The following ANKRD12 variants were observed in gnomAD, a reference collection of about 807,000 sequenced individuals.
The protein encoded by ANKRD12 is ankyrin repeat domain 12.
A neutral mutation model predicts 183.4 loss-of-function variants in ANKRD12; 85 were observed. The ratio of observed to expected loss-of-function variants is 0.46; its 90% CI spans 0.39 to 0.56. The LOEUF is 0.56. Ranked by LOEUF, ANKRD12 falls within the 20% of genes least tolerant of loss-of-function variation. The pLI is 0.00. For synonymous variants in ANKRD12, 914 were observed against 800.2 expected (o/e 1.14, Z -2.40); for missense variants, 2,405 against 2,357.1 (o/e 1.02, Z -0.42).
At chr18:9,235,619 T>G in intron 8 of ANKRD12, 1 of 456,256 alleles carries the variant, frequency 2.2e-6, no homozygotes, top group Middle Eastern at 3.3e-4. Flanking sequence ...GGATCAAACC[T>G]TAGTCTCTTC....
intron 1 of ANKRD12, among the ~76,000 whole-genome samples, chr18:9,165,345 G>C (rs1446593870): frequency 6.6e-6 from 1 of 152,018 alleles, no homozygotes; most frequent in Non-Finnish European, 1.5e-5. Context: ...TTTTATTGTG[G>C]TAAAATATAC....
At chr18:9,253,098 T>C (rs2038396701) in intron 8 of ANKRD12, among the ~76,000 whole-genome samples, 1 of 152,196 alleles carries the variant, frequency 6.6e-6, no homozygotes, top group South Asian at 2.1e-4. Context: ...TACATAATAG[T>C]TGTACATAAT....
At chr18:9,138,767 A>AAATT (rs968988245) in intron 1 of ANKRD12, among the ~76,000 whole-genome samples, 9 of 152,232 alleles carry the variant, frequency 5.9e-5, no homozygotes, top group African/African-American at 2.2e-4. Flanking sequence ...ATTTGGGTTA[A>AAATT]AAGCAGGAGC....
intron 1 of ANKRD12, among the ~76,000 whole-genome samples, chr18:9,145,959 A>G (rs1367189415): frequency 6.6e-6 from 1 of 152,192 alleles, no homozygotes; most frequent in African/African-American, 2.4e-5. Context: ...ATAATTAGGA[A>G]GAGGTTCTGT....
At chr18:9,244,096 T>C (rs1259532209) in intron 8 of ANKRD12, among the ~76,000 whole-genome samples, 1 of 152,230 alleles carries the variant, frequency 6.6e-6, no homozygotes, top group East Asian at 1.9e-4. Flanking sequence ...GTCGCACCAC[T>C]GCGCTCCAAC....
intron 1 of ANKRD12, among the ~76,000 whole-genome samples, chr18:9,143,618 G>A (rs1477767288): frequency 6.6e-6 from 1 of 151,960 alleles, no homozygotes; most frequent in Non-Finnish European, 1.5e-5. Context: ...TTGCCACCAC[G>A]CCTGGCTAAT....
intron 4 of ANKRD12, among the ~76,000 whole-genome samples, chr18:9,205,086 G>T (rs1018029767): frequency 1.3e-5 from 2 of 152,168 alleles, no homozygotes; most frequent in African/African-American, 4.8e-5. Flanking sequence ...GTTACCTAGA[G>T]AAATGCCATT....
chr18:9,256,218 C>A lies in ANKRD12; in HGVS notation c.2951C>A (p.Ser984Ter). The A allele has an allele frequency of 1.3e-6, 2 of 1,575,854 alleles. No individual in the cohort carries two copies. The highest frequency in any genetic ancestry group is 2.4e-5 in the South Asian group (2 of 83,168). ...NSKHIQEEKK[S>*]SIVDGNKAQH... Reference sequence around the variant, plus strand: ...AAACACATACAGGAAGAAAAAAAATCAAGTATAGTAGACGGTAATAAAGCA... The same window carrying A: ...AAACACATACAGGAAGAAAAAAAATAAAGTATAGTAGACGGTAATAAAGCA... The change falls in exon 9 of 13, where the codon TCA (serine) becomes TAA (stop). Residue 984 changes from serine (S) to a stop codon, truncating the protein, a stop_gained. Transcript: ENST00000262126. LOFTEE classifies it high-confidence loss of function.
At chr18:9,251,458 G>A (rs1314513781) in intron 8 of ANKRD12, among the ~76,000 whole-genome samples, 2 of 152,174 alleles carry the variant, frequency 1.3e-5, no homozygotes, top group Non-Finnish European at 2.9e-5. Flanking sequence ...GTATTTAAAT[G>A]CATTTAAATA....
chr18:9,165,863 T>TCCC (rs1295165829), intron 1 of ANKRD12, among the ~76,000 whole-genome samples: 2 of 94,140 alleles, frequency 2.1e-5, no homozygotes. Flanking sequence ...ATGCTATCCC[T>TCCC]CCCCCCCTCC....
chr18:9,277,197 G>A (rs1048488177), intron 11 of ANKRD12, among the ~76,000 whole-genome samples: 2 of 152,104 alleles, frequency 1.3e-5, no homozygotes, highest in Non-Finnish European at 1.5e-5. Flanking sequence ...GCACATGCCT[G>A]TAGCCCCAGC....
chr18:9,257,200 C>T lies in ANKRD12; in HGVS notation c.3933C>T (p.Ser1311=). 1 of 1,614,160 alleles carries T rather than the reference C, an allele frequency of 6.2e-7. No homozygotes were observed. The highest frequency in any genetic ancestry group is 8.5e-7 in the Non-Finnish European group (1 of 1,179,986). The change falls in exon 9 of 13, where the codon AGC becomes AGT. Residue 1311 remains serine (S), a synonymous_variant. Transcript: ENST00000262126. ...CTACCATAGAAGTTCGAAGATGTAG[C>T]ATGCCTTCTGTCATTTGTGAACATA... ...GRPTIEVRRC[S]MPSVICEHTK...
chr18:9,267,985 A>G (rs2039395871), intron 10 of ANKRD12, among the ~76,000 whole-genome samples: 1 of 151,904 alleles, frequency 6.6e-6, no homozygotes, highest in Admixed American at 6.6e-5. Flanking sequence ...CAGAGAATAA[A>G]CACCTCTACA....
intron 11 of ANKRD12, among the ~76,000 whole-genome samples, chr18:9,276,393 A>G (rs763907768): frequency 2.0e-5 from 3 of 152,202 alleles, no homozygotes; most frequent in Non-Finnish European, 4.4e-5. Flanking sequence ...TAAAAAAATC[A>G]AGATTGAACT....
chr18:9,147,949 T>C (rs1004840196), intron 1 of ANKRD12, among the ~76,000 whole-genome samples: 2 of 152,228 alleles, frequency 1.3e-5, no homozygotes, highest in Non-Finnish European at 2.9e-5. Context: ...GCAGAATTCT[T>C]AATTATGAAT....
In ANKRD12 at chr18:9,176,276, A is replaced by AT. The variant is rs570510387; in HGVS notation, c.-51-6096dup. Among the ~76,000 whole-genome samples, 1,085 of 149,200 alleles carry AT rather than the reference A, an allele frequency of 7.3e-3. 8 individuals carry two copies. Among genetic ancestry groups the AT allele is most frequent in the Middle Eastern group, 0.028 (8 of 290 alleles). On this transcript the variant is annotated intron_variant, in intron 1 of 12. Transcript: ENST00000262126. ...TGGAAAACAGACAAAACACTGTTCT[A>AT]TTTTTTTTTTGAGACTGGGTCTGGC...
At chr18:9,156,683 G>A (rs771946965) in intron 1 of ANKRD12, among the ~76,000 whole-genome samples, 5 of 152,154 alleles carry the variant, frequency 3.3e-5, no homozygotes, top group Non-Finnish European at 7.3e-5. Context: ...GTTTATAGCA[G>A]CATTATTCAC....
At chr18:9,234,824 G>C (rs187124730) in intron 8 of ANKRD12, among the ~76,000 whole-genome samples, 24 of 152,276 alleles carry the variant, frequency 1.6e-4, no homozygotes, top group African/African-American at 5.5e-4. Context: ...TTTCAGGGTT[G>C]GTATGGGTAG....
intron 8 of ANKRD12, chr18:9,239,346 C>A: frequency 5.2e-6 from 1 of 192,730 alleles, no homozygotes; most frequent in Non-Finnish European, 1.0e-5. Context: ...CAAATTTTCC[C>A]ACGGAAGAAG....
Sources: gnomAD v4.1 joint callset for allele counts (sites outside exome capture counted in the v4.1 genomes callset) on GRCh38, gnomAD v4.1.1 for gene constraint, MANE v1.5 for transcripts, NCBI Gene and HGNC (gene_info 2026-07-23, HGNC 2026-07-21) for gene names.